KMT2E: variants seen among roughly 807,000 people sequenced by gnomAD.
The protein encoded by KMT2E is histone reader KMT2E.
A neutral mutation model predicts 184.6 loss-of-function variants in KMT2E; 30 were observed. That is an observed-to-expected ratio of 0.16 (90% CI 0.12 to 0.22). The LOEUF (loss-of-function observed/expected upper bound fraction) is 0.22. Ranked by LOEUF, KMT2E falls within the 10% of genes least tolerant of loss-of-function variation. The pLI is 1.00. For synonymous variants in KMT2E, 815 were observed against 776.5 expected (o/e 1.05, Z -0.82); for missense variants, 2,023 against 2,237.4 (o/e 0.90, Z 1.93).
At chr7:105,016,620 G>A (rs538204392) in intron 1 of KMT2E, among the ~76,000 whole-genome samples, 1 of 152,150 alleles carries the variant, frequency 6.6e-6, no homozygotes, top group Non-Finnish European at 1.5e-5. Flanking sequence ...ATTCACTTTC[G>A]TAGTGGGAGT....
chr7:105,049,282 A>G (rs999384590), intron 3 of KMT2E, among the ~76,000 whole-genome samples: 9 of 151,526 alleles, frequency 5.9e-5, no homozygotes, highest in Admixed American at 6.6e-5. Context: ...CCATCTGTAC[A>G]AAAAAAATAC....
chr7:105,070,930 A>G (rs1165678776), intron 6 of KMT2E, among the ~76,000 whole-genome samples: 1 of 152,228 alleles, frequency 6.6e-6, no homozygotes, highest in Non-Finnish European at 1.5e-5. Flanking sequence ...TTGAAGTCAA[A>G]TATATAAAGG....
intron 23 of KMT2E, among the ~76,000 whole-genome samples, chr7:105,109,923 A>C (rs1799121049): frequency 6.7e-6 from 1 of 148,438 alleles, no homozygotes; most frequent in Admixed American, 6.8e-5. Context: ...GGCTCACTGC[A>C]AGCTCCACTT....
At chr7:105,022,919 A>C (rs1225181842) in intron 1 of KMT2E, among the ~76,000 whole-genome samples, 1 of 152,130 alleles carries the variant, frequency 6.6e-6, no homozygotes, top group Non-Finnish European at 1.5e-5. Context: ...AAATAAAATA[A>C]ATTTTAAGGA....
chr7:105,079,371 G>A (rs1201916308), intron 12 of KMT2E, among the ~76,000 whole-genome samples: 1 of 151,626 alleles, frequency 6.6e-6, no homozygotes, highest in Non-Finnish European at 1.5e-5. Flanking sequence ...CCGGACCTCA[G>A]GTGATTTGCC....
intron 3 of KMT2E, among the ~76,000 whole-genome samples, chr7:105,041,271 T>A (rs573229148): frequency 6.6e-6 from 1 of 152,190 alleles, no homozygotes. Flanking sequence ...ACATGACTTA[T>A]TTTGACTCCA....
In KMT2E at chr7:105,071,569, T is replaced by C. The variant is rs182111803; in HGVS notation, c.498-2050T>C. Among the ~76,000 whole-genome samples, 446 of 117,048 alleles carry C rather than the reference T, an allele frequency of 3.8e-3. 17 individuals carry two copies. In the East Asian group the frequency reaches 0.075, roughly 20 times the overall value. 76.8% of individuals were successfully genotyped at this position (117,048 alleles called of 152,430 possible). On this transcript the variant is annotated intron_variant, in intron 6 of 26. Coordinates refer to ENST00000311117, the MANE Select transcript of KMT2E (RefSeq NM_182931.3). The stretch of plus-strand genomic sequence containing the variant: ...ATGTGTGTGTGTATGTATGTATGTA[T>C]GTATGTGTGTGTGTATATATATATA...
At chr7:105,074,512 A>G in intron 7 of KMT2E, 131 bp from the exon 8 acceptor site, 1 of 570,696 alleles carries the variant, frequency 1.8e-6, no homozygotes. Flanking sequence ...AAGTGAGGTG[A>G]GTGAACAAGT....
chr7:105,051,104 CTCTCTT>C (rs1308335600), intron 3 of KMT2E, among the ~76,000 whole-genome samples: 3 of 150,194 alleles, frequency 2.0e-5, no homozygotes, highest in Non-Finnish European at 4.4e-5. Flanking sequence ...TTCTCTCTCT[CTCTCTT>C]TCTTCCTTTC....
In KMT2E at chr7:105,113,597, G is replaced by GATC. The variant is rs1361219692; in HGVS notation, c.*265_*267dup. The GATC allele has an allele frequency of 7.7e-6, 2 of 261,374 alleles. No individual in the cohort carries two copies. The highest frequency in any genetic ancestry group is 1.0e-4 in the Admixed American group (2 of 19,468). 16.2% of individuals were successfully genotyped at this position (261,374 alleles called of 1,614,324 possible). A position where few individuals can be genotyped will look rare whatever the true frequency, so the allele number is the denominator to read the frequency against. The stretch of plus-strand genomic sequence containing the variant: ...ATCTGATGCTGATTTGATGCTGTAT[G>GATC]ATCTTTTTTTTTTTTTTAGTTAAAT... On this transcript the variant is annotated 3_prime_UTR_variant, in exon 27 of 27. Transcript: ENST00000311117.
intron 15 of KMT2E, 40 bp downstream of exon 15, chr7:105,091,354 G>A (rs1222968871): frequency 1.9e-6 from 2 of 1,066,728 alleles, no homozygotes; most frequent in Non-Finnish European, 2.9e-6. Context: ...AGTGACAGCT[G>A]CTCTGCATAT....
chr7:105,054,750 G>C (rs1413744182), intron 3 of KMT2E, among the ~76,000 whole-genome samples: 2 of 152,124 alleles, frequency 1.3e-5, no homozygotes, highest in African/African-American at 4.8e-5. Context: ...CCTGACCTCA[G>C]GTGATCCACC....
chr7:105,063,959 A>T, intron 5 of KMT2E: 1 of 447,592 alleles, frequency 2.2e-6, no homozygotes, highest in Non-Finnish European at 4.4e-6. Flanking sequence ...CAGTTTGCGG[A>T]AATTAAACAT....
chr7:105,102,415 A>T, intron 17 of KMT2E: 1 of 388,828 alleles, frequency 2.6e-6, no homozygotes, highest in Non-Finnish European at 4.5e-6. Context: ...CAGGACTTTT[A>T]TGGTATTGCA....
intron 15 of KMT2E, among the ~76,000 whole-genome samples, chr7:105,100,919 C>T (rs1052066932): frequency 6.6e-6 from 1 of 152,046 alleles, no homozygotes; most frequent in Non-Finnish European, 1.5e-5. Flanking sequence ...GTTAACTTGC[C>T]TGGAGTCACA....
rs1383548192 is a variant in KMT2E at position 105,112,104 on chromosome 7, C to T, written c.4348C>T (p.Pro1450Ser). ...TCCTCCATCACCTCACCTAGAAAAT[C>T]CTCCAAAGTCATCCACGCCTCACAC... ...HCPPSPHLEN[P>S]PKSSTPHTPV... Residue 1450 changes from proline to serine, a missense_variant, in exon 27 of 27, where the codon CCT becomes TCT. Pro to Ser is a moderately conservative substitution (Grantham distance 74). Transcript: ENST00000311117. The T allele has an allele frequency of 6.2e-7, 1 of 1,614,038 alleles. No homozygotes were observed. The highest frequency in any genetic ancestry group is 8.5e-7 in the Non-Finnish European group (1 of 1,180,026).
Position 105,107,775 on chromosome 7 carries a change from C to T in KMT2E, c.3318C>T (p.Cys1106=). The T allele has an allele frequency of 6.2e-7, 1 of 1,614,100 alleles. No individual in the cohort carries two copies. The highest frequency in any genetic ancestry group is 8.5e-7 in the Non-Finnish European group (1 of 1,180,020). ...GGGFRISESK[C]LMQDDTRGMF... ...GCTTCCGAATAAGTGAGTCAAAGTG[C>T]CTGATGCAGGATGATACTAGAGGCA... The change falls in exon 22 of 27, where the codon TGC becomes TGT. Residue 1106 remains cysteine (C), a synonymous_variant. Transcript: ENST00000311117.
rs1270792158 is a variant in KMT2E, at chr7:105,105,570, T to G, written c.2328T>G (p.Gly776=). The change falls in exon 18 of 27, where the codon GGT becomes GGG. Residue 776 remains glycine, a synonymous_variant. Coordinates refer to ENST00000311117, the MANE Select transcript of KMT2E (RefSeq NM_182931.3). ...CTACACAACTCAATTCTTTACCAGG[T>G]CTCACTTACAGCCCCCATGTATACT... ...VLATQLNSLP[G]LTYSPHVYST... The G allele has an allele frequency of 6.2e-7, 1 of 1,613,948 alleles. No individual in the cohort carries two copies.
intron 15 of KMT2E, among the ~76,000 whole-genome samples, chr7:105,099,355 CT>C (rs1798557816): frequency 2.0e-5 from 3 of 152,166 alleles, no homozygotes; most frequent in African/African-American, 7.2e-5. Flanking sequence ...GAATGAGTCA[CT>C]TAATACACAT....
Sources: allele counts gnomAD v4.1 joint callset (sites outside exome capture counted in the v4.1 genomes callset), GRCh38; gene constraint gnomAD v4.1.1; transcripts MANE v1.5; gene names NCBI Gene and HGNC (gene_info 2026-07-23, HGNC 2026-07-21).